MARF1: variants seen among roughly 807,000 people sequenced by gnomAD.
MARF1 encodes meiosis regulator and mRNA stability factor 1, also known as limkain-b1.
MARF1 carries 24 observed loss-of-function variants against 168.2 expected under a neutral mutation model. That is an observed-to-expected ratio of 0.14 (90% CI 0.10 to 0.20). The LOEUF (loss-of-function observed/expected upper bound fraction) is 0.20. MARF1 is among the 10% of genes least tolerant of loss of function. The pLI, the probability that MARF1 is intolerant of heterozygous loss-of-function variation, is 1.00. For synonymous variants in MARF1, 868 were observed against 822.4 expected (o/e 1.06, Z -0.95); for missense variants, 1,744 against 2,143.6 (o/e 0.81, Z 3.68).
At chr16:15,624,557 C>T (rs751719726) in intron 10 of MARF1, among the ~76,000 whole-genome samples, 5 of 152,160 alleles carry the variant, frequency 3.3e-5, no homozygotes, top group African/African-American at 7.2e-5. Context: ...CTCTGCTTAC[C>T]ACAATTTCCA....
At position 15,623,910 on chromosome 16, in the gene MARF1, CTTTTTTTTTT is replaced by C. The variant is rs1168260036; in HGVS notation, c.2271-797_2271-788del. On this transcript the variant is annotated intron_variant, in intron 10 of 26. Coordinates refer to ENST00000396368, the MANE Select transcript of MARF1 (RefSeq NM_014647.4). ...TTTTATAGATCCATAGTCACTTTCT[CTTTTTTTTTT>C]TTTTTTTTTGAGACGGAGTCTCGCT... is the stretch of plus-strand genomic sequence containing the variant. 3.0e-5 allele frequency among the ~76,000 whole-genome samples: 4 copies of C among 132,830 alleles called. No homozygotes were observed. The East Asian group carries it at 6.4e-4, about 21-fold the overall frequency. The allele number at this position is 132,830 out of a possible 152,430, so 87.1% of individuals were successfully genotyped here.
intron 25 of MARF1, among the ~76,000 whole-genome samples, chr16:15,599,475 G>T (rs1400558773): frequency 6.6e-6 from 1 of 152,188 alleles, no homozygotes; most frequent in African/African-American, 2.4e-5. Flanking sequence ...GCTGCACAAC[G>T]GAGGTCAGCA....
At chr16:15,597,411 C>T (rs1189526985) in intron 26 of MARF1, among the ~76,000 whole-genome samples, 3 of 152,114 alleles carry the variant, frequency 2.0e-5, no homozygotes, top group African/African-American at 7.2e-5. Context: ...GGTCTATTAC[C>T]GGGGATAAGG....
intron 5 of MARF1, 53 bp from the exon 6 acceptor site, chr16:15,631,551 G>C (rs1413683203): frequency 1.6e-6 from 2 of 1,256,738 alleles, no homozygotes; most frequent in Non-Finnish European, 2.3e-6. Flanking sequence ...CTAGAAAATT[G>C]CTACACATTC....
In MARF1 at chr16:15,639,163, G is replaced by A; in HGVS notation, c.71C>T (p.Ala24Val). ...TRGWLQQDND[A>V]KPWLWKFSNC... ...AGAGAATTTCCAAAGCCATGGCTTA[G>A]CATCATTATCTTGTTGAAGCCATCC... Residue 24 changes from alanine (A) to valine (V), a missense_variant, in exon 2 of 27, where the codon GCT (alanine) becomes GTT (valine). By Grantham distance (64) the Ala-to-Val change is moderately conservative (BLOSUM62 0). Transcript: ENST00000396368. The A allele has an allele frequency of 1.2e-6, 2 of 1,614,164 alleles. No homozygotes were observed. The highest frequency in any genetic ancestry group is 1.3e-5 in the African/African-American group (1 of 75,066).
intron 21 of MARF1, 69 bp downstream of exon 21, chr16:15,608,222 A>G: frequency 2.0e-6 from 2 of 1,013,622 alleles, no homozygotes; most frequent in Non-Finnish European, 1.5e-6. Context: ...CAAACGTCCT[A>G]ATGAGAATTA....
intron 16 of MARF1, among the ~76,000 whole-genome samples, chr16:15,613,689 A>T (rs888858416): frequency 4.7e-5 from 3 of 63,946 alleles, no homozygotes; most frequent in South Asian, 6.1e-4. Context: ...ATAAATAAAT[A>T]AAATAAAATA....
intron 2 of MARF1, 93 bp downstream of exon 2, chr16:15,638,997 T>C: frequency 7.6e-7 from 1 of 1,311,256 alleles, no homozygotes; most frequent in South Asian, 1.5e-5. Context: ...TGGCACAGAC[T>C]CTAGGATGAG....
chr16:15,612,270 G>T (rs890650127), intron 17 of MARF1, among the ~76,000 whole-genome samples: 2 of 152,158 alleles, frequency 1.3e-5, no homozygotes, highest in Non-Finnish European at 2.9e-5. Context: ...TTGTAATCAT[G>T]AACAGTTCTG....
Position 15,630,455 on chromosome 16 carries a change from A to G in MARF1, c.1401T>C (p.Gly467=). The change falls in exon 7 of 27, where the codon GGT becomes GGC. Residue 467 remains glycine, a synonymous_variant. Transcript: ENST00000396368. ...LELSDLRHRH[G]FHIILVHKNQ... ...TTTTATGGACCAAAATAATGTGGAA[A>G]CCATGCCTGTGTCTCAGGTCACTAA... 1.2e-6 allele frequency: 2 copies of G among 1,614,062 alleles called. No homozygotes were observed. The highest frequency in any genetic ancestry group is 1.7e-6 in the Non-Finnish European group (2 of 1,179,980).
At chr16:15,615,797 TGG>T in intron 16 of MARF1, 31 bp downstream of exon 16, 1 of 1,463,834 alleles carries the variant, frequency 6.8e-7, no homozygotes, top group African/African-American at 1.4e-5. Flanking sequence ...AGTGGACAGG[TGG>T]TAGCTCCAGG....
intron 16 of MARF1, among the ~76,000 whole-genome samples, chr16:15,613,544 C>T (rs2033762081): frequency 6.6e-6 from 1 of 151,734 alleles, no homozygotes; most frequent in Non-Finnish European, 1.5e-5. Context: ...CACCTGTAGT[C>T]CCAGCTACTC....
chr16:15,616,731 C>T (rs935869548), intron 15 of MARF1: 5 of 234,062 alleles, frequency 2.1e-5, no homozygotes, highest in South Asian at 2.3e-4. Context: ...CCATGGTTCC[C>T]GAGCTACACA....
chr16:15,621,537 G>C (rs911405819), intron 12 of MARF1, 196 bp downstream of exon 12: 2 of 587,258 alleles, frequency 3.4e-6, no homozygotes, highest in Non-Finnish European at 5.8e-6. Flanking sequence ...AGTTTAAGCT[G>C]TATTCCAGCT....
Position 15,596,352 on chromosome 16 carries a change from C to G in MARF1, c.*341G>C, listed in dbSNP as rs372148539. On this transcript the variant is annotated 3_prime_UTR_variant, in exon 27 of 27. Coordinates refer to ENST00000396368, the MANE Select transcript of MARF1 (RefSeq NM_014647.4). ...CGACGTGGCTCAATGGAAGCAAAAC[C>G]GCTTCCTGCTAGTTGAGTTTTTAGT... 6.9e-5 allele frequency: 12 copies of G among 173,206 alleles called. No individual in the cohort carries two copies. Among genetic ancestry groups the G allele is most frequent in the Non-Finnish European group, 1.2e-4 (10 of 82,098 alleles). The allele number at this position is 173,206 out of a possible 1,614,324, so 10.7% of individuals were successfully genotyped here. A position where few individuals can be genotyped will look rare whatever the true frequency, so the allele number is the denominator to read the frequency against.
Position 15,620,421 on chromosome 16 carries a change from C to A in MARF1, c.2720+30G>T, listed in dbSNP as rs552869307. 2.9e-5 allele frequency: 41 copies of A among 1,427,646 alleles called. 3 individuals are homozygous for A. The South Asian group carries it at 4.2e-4, about 14-fold the overall frequency. 88.4% of individuals were successfully genotyped at this position (1,427,646 alleles called of 1,614,324 possible). On this transcript the variant is annotated intron_variant, in intron 13 of 26. Coordinates refer to ENST00000396368, the MANE Select transcript of MARF1 (RefSeq NM_014647.4). ...CATGTAAGCCACCAATCAGTACTGA[C>A]TGGATAAAGAAAAAATATACCTAAC...
chr16:15,596,898 G>C lies in MARF1; in HGVS notation c.5024C>G (p.Pro1675Arg), dbSNP rs2150998548. The C allele has an allele frequency of 1.2e-6, 2 of 1,609,702 alleles. No homozygotes were observed. Among genetic ancestry groups the C allele is most frequent in the Middle Eastern group, 3.4e-4 (2 of 5,958 alleles). The change falls in exon 27 of 27, where the codon CCA becomes CGA. Residue 1675 changes from proline to arginine, a missense_variant. Pro to Arg is a moderately radical substitution (Grantham distance 103). Transcript: ENST00000396368. ...ILNQEEKMEIPIPGKSKTLTS... is the reference protein window; with the variant it reads ...ILNQEEKMEIRIPGKSKTLTS... ...CAGAGTTTTGCTCTTTCCTGGTATT[G>C]GAATCTCCATTTTTTCTTCTTGGTT...
rs927337255 is a variant in MARF1 at position 15,595,693 on chromosome 16, C to T, written c.*1000G>A. On this transcript the variant is annotated 3_prime_UTR_variant, in exon 27 of 27. Transcript: ENST00000396368. ...GCTACCGATACCAGCTTTAAAATTA[C>T]AATAACAAGGTTAAGTGGATCAACC... 6.6e-6 allele frequency: 1 copy of T among 152,186 alleles called. No individual in the cohort carries two copies. The highest frequency in any genetic ancestry group is 1.5e-5 in the Non-Finnish European group (1 of 68,034). The allele number at this position is 152,186 out of a possible 1,614,324, so 9.4% of individuals were successfully genotyped here.
intron 1 of MARF1, among the ~76,000 whole-genome samples, chr16:15,639,843 G>A (rs1210197023): frequency 2.0e-5 from 3 of 152,190 alleles, no homozygotes; most frequent in South Asian, 2.1e-4. Flanking sequence ...GCAACAACCT[G>A]ATTTCTTAAA....
Sources: gnomAD v4.1 joint callset for allele counts (sites outside exome capture counted in the v4.1 genomes callset) on GRCh38, gnomAD v4.1.1 for gene constraint, MANE v1.5 for transcripts, NCBI Gene and HGNC (gene_info 2026-07-23, HGNC 2026-07-21) for gene names.